CPNE4: variants seen among roughly 807,000 people sequenced by gnomAD.
CPNE4 encodes copine-4.
In CPNE4, 25 loss-of-function variants were observed where a neutral mutation model predicts 67.9. The observed-to-expected ratio is 0.37, with a 90% CI of 0.27 to 0.51. The LOEUF (loss-of-function observed/expected upper bound fraction) is 0.51, where lower values mean the gene tolerates loss of function less well. Among genes scored for constraint, CPNE4 ranks in the 20% least tolerant of loss-of-function variants. CPNE4 has a pLI of 0.93. For missense variants in CPNE4, 464 were observed against 690.8 expected, an observed-to-expected ratio of 0.67 and a Z score of 3.68; for synonymous variants, 242 against 244.9, an observed-to-expected ratio of 0.99 and a Z score of 0.11.
At chr3:131,769,158 T>C (rs1194228914) in intron 2 of CPNE4, among the ~76,000 whole-genome samples, 2 of 152,188 alleles carry the variant, frequency 1.3e-5, no homozygotes, top group South Asian at 2.1e-4. Flanking sequence ...TTTATTTCAC[T>C]GTTCCTCTCC....
At chr3:131,931,874 C>T (rs2071072057) in intron 1 of CPNE4, among the ~76,000 whole-genome samples, 1 of 152,076 alleles carries the variant, frequency 6.6e-6, no homozygotes, top group Admixed American at 6.6e-5. Flanking sequence ...AAGGTACTCG[C>T]CAGTTCTAAT....
At chr3:131,615,649 GT>G (rs1375475277) in intron 7 of CPNE4, among the ~76,000 whole-genome samples, 1 of 152,070 alleles carries the variant, frequency 6.6e-6, no homozygotes, top group South Asian at 2.1e-4. Flanking sequence ...TAGATCATAA[GT>G]TTTTTATAGG....
At chr3:131,725,731 T>C (rs1259503782) in intron 2 of CPNE4, among the ~76,000 whole-genome samples, 2 of 152,230 alleles carry the variant, frequency 1.3e-5, no homozygotes, top group Non-Finnish European at 2.9e-5. Context: ...CTACTCAAAG[T>C]ATTTTTCCCT....
At position 131,831,639 on chromosome 3, in the gene CPNE4, T is replaced by C. The variant is rs145502410; in HGVS notation, c.180+73625A>G. ...AGATACAGAAACATACGCTGTAATATAAAACTAAAATTTTCTTTTATACAT... is the reference window on the plus strand; with the variant it reads ...AGATACAGAAACATACGCTGTAATACAAAACTAAAATTTTCTTTTATACAT... On this transcript the variant is annotated intron_variant, in intron 2 of 15. Transcript: ENST00000429747. Among the ~76,000 whole-genome samples the C allele has an allele frequency of 2.9e-3, 447 of 152,278 alleles. 2 individuals carry two copies. Among genetic ancestry groups the C allele is most frequent in the African/African-American group, 0.01 (425 of 41,564 alleles).
chr3:131,770,029 C>G (rs2083125805), intron 2 of CPNE4, among the ~76,000 whole-genome samples: 1 of 152,146 alleles, frequency 6.6e-6, no homozygotes, highest in Non-Finnish European at 1.5e-5. Flanking sequence ...GCAAGAACCT[C>G]AACCTTGAAA....
chr3:131,595,990 G>A (rs73216420), intron 7 of CPNE4, among the ~76,000 whole-genome samples: 5 of 152,276 alleles, frequency 3.3e-5, no homozygotes, highest in South Asian at 2.1e-4. Flanking sequence ...GGAAGGTGGC[G>A]AACTGGGGAG....
intron 2 of CPNE4, among the ~76,000 whole-genome samples, chr3:131,737,607 G>C (rs1476282410): frequency 1.3e-5 from 2 of 152,124 alleles, no homozygotes; most frequent in South Asian, 4.1e-4. Context: ...GGCACTCTCA[G>C]GACCTTAAAG....
chr3:131,817,239 A>G (rs935506116), intron 2 of CPNE4, among the ~76,000 whole-genome samples: 1 of 152,134 alleles, frequency 6.6e-6, no homozygotes, highest in African/African-American at 2.4e-5. Flanking sequence ...CGTGATGTGC[A>G]GTTTGCGATA....
At chr3:131,646,656 G>T (rs2079673816) in intron 7 of CPNE4, among the ~76,000 whole-genome samples, 1 of 152,184 alleles carries the variant, frequency 6.6e-6, no homozygotes, top group Non-Finnish European at 1.5e-5. Context: ...TCTTCAAGAT[G>T]TGCTTATATT....
intron 2 of CPNE4, among the ~76,000 whole-genome samples, chr3:131,839,901 T>C (rs2085706936): frequency 6.6e-6 from 1 of 152,182 alleles, no homozygotes; most frequent in Non-Finnish European, 1.5e-5. Flanking sequence ...AAAGTTTCAT[T>C]ATAGCTCTAT....
intron 2 of CPNE4, among the ~76,000 whole-genome samples, chr3:131,869,702 C>T (rs1029908459): frequency 6.6e-6 from 1 of 152,098 alleles, no homozygotes; most frequent in Non-Finnish European, 1.5e-5. Flanking sequence ...ACAATCATAA[C>T]TACATAGATG....
chr3:131,961,497 G>A (rs1474961291), intron 1 of CPNE4, among the ~76,000 whole-genome samples: 6 of 152,190 alleles, frequency 3.9e-5, no homozygotes, highest in Non-Finnish European at 8.8e-5. Context: ...CACACACAGG[G>A]TGACTGTGCT....
At chr3:131,962,590 C>T (rs1428960141) in intron 1 of CPNE4, among the ~76,000 whole-genome samples, 1 of 152,174 alleles carries the variant, frequency 6.6e-6, no homozygotes, top group Non-Finnish European at 1.5e-5. Context: ...CATTCAACAA[C>T]ATTTATTGAG....
intron 2 of CPNE4, among the ~76,000 whole-genome samples, chr3:131,885,078 C>T (rs1411157634): frequency 1.3e-5 from 2 of 152,116 alleles, no homozygotes; most frequent in Non-Finnish European, 2.9e-5. Context: ...CAGAAGAAGA[C>T]AGGAAAATGT....
intron 2 of CPNE4, among the ~76,000 whole-genome samples, chr3:131,749,515 CTAGTT>C (rs1290833504): frequency 6.6e-6 from 1 of 151,990 alleles, no homozygotes; most frequent in East Asian, 1.9e-4. Context: ...GATTTTCTGT[CTAGTT>C]GTTTTATCAA....
At chr3:132,017,440 A>C (rs184286146) in intron 1 of CPNE4, 2 of 152,142 alleles carry the variant, frequency 1.3e-5, no homozygotes, top group Admixed American at 6.5e-5. Flanking sequence ...AGAAGGAATA[A>C]AGGACAAGTC....
chr3:131,701,772 C>T (rs906381948), intron 3 of CPNE4, among the ~76,000 whole-genome samples: 22 of 152,132 alleles, frequency 1.4e-4, no homozygotes, highest in Non-Finnish European at 2.8e-4. Context: ...ATTGCAGTAA[C>T]ACAGAGACAA....
Position 131,723,443 on chromosome 3 carries a change from C to A in CPNE4, c.360+3G>T. On this transcript the variant is annotated splice_donor_region_variant and intron_variant, in intron 3 of 15. Transcript: ENST00000429747. ...GAGGAGGAAGGGATGTCTGTTGACC[C>A]ACCTGGCCAAGTGTGCACTCCATGC... 1 of 1,611,756 alleles carries A rather than the reference C, an allele frequency of 6.2e-7. No homozygotes were observed. The highest frequency in any genetic ancestry group is 1.1e-5 in the South Asian group (1 of 90,916).
chr3:131,954,696 C>T (rs564037301), intron 1 of CPNE4, among the ~76,000 whole-genome samples: 3 of 152,234 alleles, frequency 2.0e-5, no homozygotes, highest in Admixed American at 1.3e-4. Context: ...CATCCTGTGT[C>T]CAAATGTTCT....
Sources: gnomAD v4.1 joint callset for allele counts (sites outside exome capture counted in the v4.1 genomes callset) on GRCh38, gnomAD v4.1.1 for gene constraint, MANE v1.5 for transcripts, NCBI Gene and HGNC (gene_info 2026-07-23, HGNC 2026-07-21) for gene names.